NUP210: variants seen among roughly 807,000 people sequenced by gnomAD.
NUP210 encodes the protein nuclear pore membrane glycoprotein 210.
Under a neutral mutation model 196.0 loss-of-function variants are expected in NUP210, and 151 were observed. That is an observed-to-expected ratio of 0.77 (90% CI 0.67 to 0.88). The LOEUF (loss-of-function observed/expected upper bound fraction) is 0.88, where lower values mean the gene tolerates loss of function less well. Among genes scored for constraint, NUP210 ranks in the 40% least tolerant of loss-of-function variants. The pLI is 0.00. For synonymous variants in NUP210, 1,070 were observed against 1,052.7 expected (o/e 1.02, Z -0.32); for missense variants, 2,314 against 2,493.7 (o/e 0.93, Z 1.53).
At chr3:13,397,891 A>G (rs1276434097) in intron 2 of NUP210, among the ~76,000 whole-genome samples, 1 of 152,192 alleles carries the variant, frequency 6.6e-6, no homozygotes, top group African/African-American at 2.4e-5. Flanking sequence ...TGGTTTTCAC[A>G]TATGCTGGTG....
chr3:13,371,016 C>G (rs1181388234), intron 13 of NUP210, among the ~76,000 whole-genome samples: 1 of 152,256 alleles, frequency 6.6e-6, no homozygotes, highest in Admixed American at 6.5e-5. Flanking sequence ...GGCCCTGGTA[C>G]AGGCGCCCCT....
intron 12 of NUP210, 37 bp downstream of exon 12, chr3:13,373,681 G>A (rs770138827): frequency 4.4e-6 from 7 of 1,607,592 alleles, no homozygotes; most frequent in Admixed American, 1.7e-5. Context: ...ACCACCATCC[G>A]AGCCTCCCAG....
intron 3 of NUP210, among the ~76,000 whole-genome samples, chr3:13,391,606 A>G (rs936908634): frequency 6.6e-6 from 1 of 150,492 alleles, no homozygotes; most frequent in Non-Finnish European, 1.5e-5. Flanking sequence ...AGCTCAGTGC[A>G]GTGCATAACA....
chr3:13,420,014 C>A lies in NUP210; in HGVS notation c.167+46G>T. On this transcript the variant is annotated intron_variant, in intron 1 of 39. Coordinates refer to ENST00000254508, the MANE Select transcript of NUP210 (RefSeq NM_024923.4). This position sits in a 1 kb window ranked among gnomAD's most constrained non-coding sequence, Gnocchi z 4.8. ...CCCGCCCAGCCTCTCAGCGCGAAGG[C>A]CCAGCCCGGCCCACGGCGCCCGCCC... 8.8e-7 allele frequency: 1 copy of A among 1,140,684 alleles called. No homozygotes were observed. The highest frequency in any genetic ancestry group is 1.1e-6 in the Non-Finnish European group (1 of 926,754). The allele number at this position is 1,140,684 out of a possible 1,614,324, so 70.7% of individuals were successfully genotyped here.
At position 13,324,319 on chromosome 3, in the gene NUP210, C is replaced by T. The variant is rs113527812; in HGVS notation, c.4645-887G>A. Among the ~76,000 whole-genome samples, 1,365 of 152,186 alleles carry T rather than the reference C, an allele frequency of 9.0e-3. 16 individuals carry two copies. Among genetic ancestry groups the T allele is most frequent in the African/African-American group, 0.029 (1,210 of 41,496 alleles). The stretch of plus-strand genomic sequence containing the variant: ...CACTCCTGGAGTGCCCGTGCACTCC[C>T]ACCCACTCCCAGGGCTTCAGAGGCC... On this transcript the variant is annotated intron_variant, in intron 33 of 39. Transcript: ENST00000254508.
In NUP210 at chr3:13,316,444, A is replaced by G. The variant is rs1364221035; in HGVS notation, c.*1237T>C. The G allele has an allele frequency of 2.6e-5, 4 of 152,370 alleles. No individual in the cohort carries two copies. The highest frequency in any genetic ancestry group is 5.9e-5 in the Non-Finnish European group (4 of 68,046). 9.4% of individuals were successfully genotyped at this position (152,370 alleles called of 1,614,324 possible). The stretch of plus-strand genomic sequence containing the variant: ...TGGACTCTCCACACAGCGTCCACGC[A>G]TGGATGGCCATGGGCATGAGTCTCT... On this transcript the variant is annotated 3_prime_UTR_variant, in exon 40 of 40. Coordinates refer to ENST00000254508, the MANE Select transcript of NUP210 (RefSeq NM_024923.4).
At chr3:13,386,194 TAAATTTTGTTACATGTATGTA>T (rs1699267391) in intron 6 of NUP210, 60 bp downstream of exon 6, 1 of 1,504,544 alleles carries the variant, frequency 6.6e-7, no homozygotes, top group Admixed American at 2.0e-5. Context: ...GTTAAGATGG[TAAATTTTGTTACATGTATGTA>T]ACCACAATAA....
intron 2 of NUP210, among the ~76,000 whole-genome samples, chr3:13,398,368 G>A (rs776922487): frequency 4.6e-5 from 7 of 151,958 alleles, no homozygotes; most frequent in Admixed American, 6.6e-5. Context: ...GCTTAAACCC[G>A]GGAGGCAAAG....
At position 13,348,484 on chromosome 3, in the gene NUP210, CTCT is replaced by C. The variant is rs1697838632; in HGVS notation, c.2835+3392_2835+3394del. ...CATTTTTCCCTAACTTGGAACTCCC[CTCT>C]TCTTGGTAATGGGGAAGTTTTTATT... On this transcript the variant is annotated intron_variant, in intron 20 of 39. Coordinates refer to ENST00000254508, the MANE Select transcript of NUP210 (RefSeq NM_024923.4). The surrounding 1 kb of genome is among the most constrained non-coding windows in gnomAD (Gnocchi z 4.0). The C allele has an allele frequency of 2.0e-6, 2 of 985,314 alleles. No individual in the cohort carries two copies. The highest frequency in any genetic ancestry group is 2.4e-6 in the Non-Finnish European group (2 of 829,936). The allele number at this position is 985,314 out of a possible 1,614,324, so 61.0% of individuals were successfully genotyped here. A position where few individuals can be genotyped will look rare whatever the true frequency, so the allele number is the denominator to read the frequency against.
Position 13,327,383 on chromosome 3 carries a change from G to A in NUP210, c.4341C>T (p.Arg1447=). The change falls in exon 32 of 40, where the codon CGC becomes CGT. Residue 1447 remains arginine, a synonymous_variant. Transcript: ENST00000254508. ...GCAGTGTCAGGCCCACGCTGACTGT[G>A]CGGACAACGCAGGTGTTGTTGGTGG... The part of the protein sequence containing the change: ...KGPTNNTCVV[R]TVSVGLTLLR... The A allele has an allele frequency of 6.2e-7, 1 of 1,613,564 alleles. No individual in the cohort carries two copies. The highest frequency in any genetic ancestry group is 1.7e-5 in the Admixed American group (1 of 60,010).
intron 20 of NUP210, 189 bp downstream of exon 20, chr3:13,351,690 G>T: frequency 1.8e-6 from 1 of 557,258 alleles, no homozygotes; most frequent in Non-Finnish European, 3.2e-6. Flanking sequence ...AGAGATGGGG[G>T]TCTCACTATA....
intron 4 of NUP210, among the ~76,000 whole-genome samples, chr3:13,388,858 C>T (rs1347842637): frequency 6.6e-6 from 1 of 152,222 alleles, no homozygotes; most frequent in East Asian, 1.9e-4. Flanking sequence ...CTCACCTCCC[C>T]GAGGCTGCCT....
At position 13,377,571 on chromosome 3, in the gene NUP210, G is replaced by C. The variant is rs1698957605; in HGVS notation, c.1046-9C>G. On this transcript the variant is annotated splice_polypyrimidine_tract_variant and intron_variant, in intron 8 of 39. Coordinates refer to ENST00000254508, the MANE Select transcript of NUP210 (RefSeq NM_024923.4). ...AGGGTGAACAGTGAACCCTAAAACAGGCAGAGGGAGCCTGAGCACTCAGGC... is the reference window on the plus strand; with the variant it reads ...AGGGTGAACAGTGAACCCTAAAACACGCAGAGGGAGCCTGAGCACTCAGGC... 1 of 1,608,896 alleles carries C rather than the reference G, an allele frequency of 6.2e-7. No individual in the cohort carries two copies. Among genetic ancestry groups the C allele is most frequent in the African/African-American group, 1.3e-5 (1 of 74,752 alleles).
intron 15 of NUP210, among the ~76,000 whole-genome samples, chr3:13,358,737 A>G (rs1056625420): frequency 6.6e-6 from 1 of 152,218 alleles, no homozygotes; most frequent in African/African-American, 2.4e-5. Flanking sequence ...GGATGCTTCA[A>G]TGAGGAGTCC....
intron 13 of NUP210, among the ~76,000 whole-genome samples, chr3:13,370,007 T>C (rs1373175716): frequency 6.6e-6 from 1 of 152,200 alleles, no homozygotes; most frequent in Non-Finnish European, 1.5e-5. Context: ...AGAGGGAGTT[T>C]ACCTAACATG....
intron 26 of NUP210, 108 bp from the exon 27 acceptor site, chr3:13,337,026 C>T: frequency 7.3e-7 from 1 of 1,365,334 alleles, no homozygotes. Context: ...CAATTCCTCC[C>T]CAACTAGAGA....
chr3:13,321,578 C>T lies in NUP210; in HGVS notation c.5166+7G>A. 6.2e-7 allele frequency: 1 copy of T among 1,611,478 alleles called. No homozygotes were observed. The highest frequency in any genetic ancestry group is 8.5e-7 in the Non-Finnish European group (1 of 1,177,664). On this transcript the variant is annotated splice_region_variant and intron_variant, in intron 36 of 39. Coordinates refer to ENST00000254508, the MANE Select transcript of NUP210 (RefSeq NM_024923.4). ...GGCCTGGCCTGAGGCATGCAGATGC[C>T]ACTCACCTCCAAGTTCTCCAGAACC...
At chr3:13,359,221 C>A (rs9811159) in intron 15 of NUP210, among the ~76,000 whole-genome samples, 2 of 152,014 alleles carry the variant, frequency 1.3e-5, no homozygotes, top group Non-Finnish European at 2.9e-5. Flanking sequence ...TTGGGAGGGC[C>A]CTAGAGGTAA....
intron 25 of NUP210, 34 bp from the exon 26 acceptor site, chr3:13,337,951 T>C: frequency 6.3e-7 from 1 of 1,596,750 alleles, no homozygotes; most frequent in Non-Finnish European, 8.6e-7. Flanking sequence ...GGTGTGGGGA[T>C]GCAGTGCTGG....
Sources: allele counts gnomAD v4.1 joint callset (sites outside exome capture counted in the v4.1 genomes callset), GRCh38; gene constraint gnomAD v4.1.1; non-coding constraint Gnocchi (gnomAD v3.1); transcripts MANE v1.5; gene names NCBI Gene and HGNC (gene_info 2026-07-23, HGNC 2026-07-21).